The following KALRN variants were observed in gnomAD, a reference collection of about 807,000 sequenced individuals.
The protein encoded by KALRN is kalirin RhoGEF kinase, also known as kalirin.
A neutral mutation model predicts 353.7 loss-of-function variants in KALRN; 70 were observed. The ratio of observed to expected loss-of-function variants is 0.20; its 90% CI spans 0.16 to 0.24. KALRN has a LOEUF of 0.24. KALRN is among the 10% of genes least tolerant of loss of function. The probability of loss-of-function intolerance (pLI) is 1.00; values close to 1 mark genes in which losing one functional copy is unlikely to be tolerated. For missense variants in KALRN, 2,791 were observed against 3,756.7 expected (o/e 0.74, Z 6.72); for synonymous variants, 1,391 against 1,434.8 (o/e 0.97, Z 0.69).
At chr3:124,143,889 GT>G (rs2066950426) in intron 1 of KALRN, among the ~76,000 whole-genome samples, 1 of 152,164 alleles carries the variant, frequency 6.6e-6, no homozygotes, top group Admixed American at 6.5e-5. Flanking sequence ...AAAAAAGCCA[GT>G]TTTCATTTTA....
chr3:124,637,152 C>T (rs2081439858), intron 36 of KALRN, 56 bp from the exon 37 acceptor site: 1 of 1,351,774 alleles, frequency 7.4e-7, no homozygotes, highest in African/African-American at 1.4e-5. Context: ...ATTTCCTGAT[C>T]ACTGTTCCTT....
At chr3:124,577,901 A>G (rs893249503) in intron 34 of KALRN, among the ~76,000 whole-genome samples, 1 of 144,582 alleles carries the variant, frequency 6.9e-6, no homozygotes, top group Admixed American at 6.9e-5. Context: ...AAAACCCCCC[A>G]CCATATTTGG....
intron 34 of KALRN, among the ~76,000 whole-genome samples, chr3:124,619,730 G>A (rs1474215680): frequency 2.0e-5 from 3 of 151,840 alleles, no homozygotes; most frequent in East Asian, 1.9e-4. Context: ...CAAATGATTC[G>A]CCCGTCTTGG....
chr3:124,511,517 T>C (rs546442694), intron 33 of KALRN, among the ~76,000 whole-genome samples: 1 of 152,292 alleles, frequency 6.6e-6, no homozygotes, highest in African/African-American at 2.4e-5. Context: ...GCCTGCTGCA[T>C]ATTCTGTATA....
At chr3:124,451,519 T>C (rs2058779635) in intron 21 of KALRN, among the ~76,000 whole-genome samples, 1 of 152,150 alleles carries the variant, frequency 6.6e-6, no homozygotes, top group Admixed American at 6.6e-5. Flanking sequence ...AACTTTTCAT[T>C]CAAGAACTGC....
intron 33 of KALRN, among the ~76,000 whole-genome samples, chr3:124,526,315 A>G (rs1391813577): frequency 6.6e-6 from 1 of 152,156 alleles, no homozygotes; most frequent in African/African-American, 2.4e-5. Context: ...GCACATGCCT[A>G]TAATCCTAGC....
chr3:124,378,532 C>T (rs756072438), intron 10 of KALRN, among the ~76,000 whole-genome samples: 3 of 151,958 alleles, frequency 2.0e-5, no homozygotes, highest in Non-Finnish European at 2.9e-5. Flanking sequence ...CATCTGATAC[C>T]ATTTTCTTTC....
chr3:124,679,831 A>AT (rs1020424901), intron 51 of KALRN: 6 of 410,578 alleles, frequency 1.5e-5, no homozygotes, highest in Admixed American at 7.1e-5. Context: ...CTTAGAACAC[A>AT]TTTTTTCATG....
In KALRN at chr3:124,379,832, A is replaced by C. The variant is rs2087092059; in HGVS notation, c.1771-5013A>C. ...AAGGTGAAAGAGATTTGTCAGCTGT[A>C]AAGTACTATTCAAATGTAAGGTTTT... On this transcript the variant is annotated intron_variant, in intron 10 of 59. Transcript: ENST00000682506. Among the ~76,000 whole-genome samples the C allele has an allele frequency of 5.3e-5, 8 of 152,350 alleles. No individual in the cohort carries two copies. The South Asian group carries it at 1.7e-3, about 32-fold the overall frequency.
intron 1 of KALRN, among the ~76,000 whole-genome samples, chr3:124,184,152 C>T (rs1007908642): frequency 3.9e-5 from 6 of 152,172 alleles, no homozygotes; most frequent in African/African-American, 1.4e-4. Flanking sequence ...ATAGTGTGAG[C>T]ACTTTGGCTC....
intron 33 of KALRN, among the ~76,000 whole-genome samples, chr3:124,561,466 G>A (rs952792241): frequency 6.6e-6 from 1 of 152,098 alleles, no homozygotes; most frequent in Non-Finnish European, 1.5e-5. Flanking sequence ...CTCTGATATC[G>A]AAGTCCCTTT....
chr3:124,625,661 C>T (rs1227853525), intron 34 of KALRN, among the ~76,000 whole-genome samples: 3 of 151,968 alleles, frequency 2.0e-5, no homozygotes, highest in African/African-American at 4.8e-5. Context: ...GAAGAATTCT[C>T]ACACTCATGC....
intron 1 of KALRN, among the ~76,000 whole-genome samples, chr3:124,169,114 A>G (rs1578889252): frequency 2.0e-5 from 3 of 152,308 alleles, no homozygotes; most frequent in Admixed American, 6.5e-5. Flanking sequence ...GGAAATAATA[A>G]TGCCTTACCT....
intron 1 of KALRN, among the ~76,000 whole-genome samples, chr3:124,112,630 C>T (rs1252768566): frequency 6.6e-6 from 1 of 152,122 alleles, no homozygotes; most frequent in Non-Finnish European, 1.5e-5. Flanking sequence ...GGTTTGGGGT[C>T]CATCTTTCCA....
At chr3:124,451,697 C>G (rs1171108615) in intron 21 of KALRN, among the ~76,000 whole-genome samples, 3 of 152,146 alleles carry the variant, frequency 2.0e-5, no homozygotes, top group Admixed American at 2.0e-4. Flanking sequence ...AGAAAAAGCT[C>G]AGTGACTCAG....
chr3:124,328,868 A>G (rs1385389002), intron 7 of KALRN, among the ~76,000 whole-genome samples: 1 of 152,250 alleles, frequency 6.6e-6, no homozygotes, highest in African/African-American at 2.4e-5. Context: ...CTAGTCCTTC[A>G]GGGACATTCA....
At chr3:124,047,073 GATTA>G (rs1432770976) in intron 1 of KALRN, among the ~76,000 whole-genome samples, 2 of 151,406 alleles carry the variant, frequency 1.3e-5, no homozygotes, top group African/African-American at 2.4e-5. Context: ...CTGTTGTGTG[GATTA>G]ATTAGAGGGG....
At chr3:124,316,378 T>C (rs972241994) in intron 6 of KALRN, among the ~76,000 whole-genome samples, 1 of 152,232 alleles carries the variant, frequency 6.6e-6, no homozygotes. Context: ...AATACCTTCA[T>C]GTCTTCCTTT....
At chr3:124,280,237 T>C (rs1580422183) in intron 5 of KALRN, among the ~76,000 whole-genome samples, 1 of 152,198 alleles carries the variant, frequency 6.6e-6, no homozygotes, top group Non-Finnish European at 1.5e-5. Flanking sequence ...TTTCCAGGGC[T>C]GAGGAAGCCA....
Sources: gnomAD v4.1 joint callset for allele counts (sites outside exome capture counted in the v4.1 genomes callset) on GRCh38, gnomAD v4.1.1 for gene constraint, MANE v1.5 for transcripts, NCBI Gene and HGNC (gene_info 2026-07-23, HGNC 2026-07-21) for gene names.